Variants in NFIA observed in about 807,000 individuals in gnomAD.
NFIA encodes nuclear factor I A.
NFIA carries 8 observed loss-of-function variants against 62.8 expected under a neutral mutation model. The ratio of observed to expected loss-of-function variants is 0.13; its 90% CI spans 0.07 to 0.23. The LOEUF (loss-of-function observed/expected upper bound fraction) is 0.23. NFIA is among the 10% of genes least tolerant of loss of function. NFIA has a pLI of 1.00. For missense variants in NFIA, 410 were observed against 642.1 expected (o/e 0.64, Z 3.91); for synonymous variants, 235 against 238.1 (o/e 0.99, Z 0.12).
intron 2 of NFIA, among the ~76,000 whole-genome samples, chr1:61,114,342 C>T (rs1260033478): frequency 6.6e-6 from 1 of 151,438 alleles, no homozygotes; most frequent in Non-Finnish European, 1.5e-5. Flanking sequence ...TTTTTTTAGT[C>T]AGCCAGGTGT....
chr1:61,367,202 A>G (rs1416718622), intron 6 of NFIA, among the ~76,000 whole-genome samples: 1 of 152,170 alleles, frequency 6.6e-6, no homozygotes, highest in Non-Finnish European at 1.5e-5. Context: ...TTTGACTGCC[A>G]ACAGTCATTT....
At chr1:61,106,936 A>G (rs973095915) in intron 2 of NFIA, among the ~76,000 whole-genome samples, 4 of 150,932 alleles carry the variant, frequency 2.7e-5, no homozygotes, top group Non-Finnish European at 5.9e-5. Context: ...TCATATATAC[A>G]CACATACATA....
intron 2 of NFIA, among the ~76,000 whole-genome samples, chr1:61,270,912 T>C (rs1453558995): frequency 6.6e-6 from 1 of 152,184 alleles, no homozygotes; most frequent in African/African-American, 2.4e-5. Flanking sequence ...CTAGACATTT[T>C]AGTTTAGTTT....
At chr1:61,382,071 G>C (rs560919183) in intron 6 of NFIA, among the ~76,000 whole-genome samples, 38 of 152,290 alleles carry the variant, frequency 2.5e-4, no homozygotes, top group Admixed American at 7.2e-4. Context: ...AATGGAATTT[G>C]GTTCTTTTAA....
At chr1:61,356,335 A>T (rs1374637985) in intron 5 of NFIA, among the ~76,000 whole-genome samples, 1 of 152,124 alleles carries the variant, frequency 6.6e-6, no homozygotes, top group African/African-American at 2.4e-5. Context: ...TCTAACATGT[A>T]TTCTTTCTGT....
In NFIA at chr1:61,459,952, C is replaced by G. The variant is rs1668466993; in HGVS notation, c.*4632C>G. ...CTCTCTTTTTGTTTGCTTCTGTTTT[C>G]TTTCTTGTCTTCATTCTTTCTTTTC... On this transcript the variant is annotated 3_prime_UTR_variant, in exon 11 of 11. Coordinates refer to ENST00000403491, the MANE Select transcript of NFIA (RefSeq NM_001134673.4). 6.6e-6 allele frequency: 1 copy of G among 151,862 alleles called. No homozygotes were observed. The highest frequency in any genetic ancestry group is 6.6e-5 in the Admixed American group (1 of 15,250). The allele number at this position is 151,862 out of a possible 1,614,324, so 9.4% of individuals were successfully genotyped here.
rs75841642 is a variant in NFIA, at chr1:61,247,548, C to G, written c.560-29972C>G. Among the ~76,000 whole-genome samples the G allele has an allele frequency of 4.3e-3, 647 of 152,198 alleles. 4 individuals carry two copies. Among genetic ancestry groups the G allele is most frequent in the African/African-American group, 0.015 (609 of 41,532 alleles). ...GTTACAGCTCCCCACCTGGCACGGT[C>G]CATTGGGGGTGTGCTGTAATTGCTC... On this transcript the variant is annotated intron_variant, in intron 2 of 10. Transcript: ENST00000403491.
rs146631932 is a variant in NFIA, at chr1:61,387,251, A to G, written c.1075+3886A>G. On this transcript the variant is annotated intron_variant, in intron 7 of 10. Coordinates refer to ENST00000403491, the MANE Select transcript of NFIA (RefSeq NM_001134673.4). Reference sequence around the variant, plus strand: ...ACCAAAGGTTTCTCATCTCTAAGTTAGAGATTATCATCTCTAACTCAAAAG... The same window carrying G: ...ACCAAAGGTTTCTCATCTCTAAGTTGGAGATTATCATCTCTAACTCAAAAG... Among the ~76,000 whole-genome samples the G allele has an allele frequency of 3.9e-5, 6 of 152,168 alleles. No homozygotes were observed. In the East Asian group the frequency reaches 1.2e-3, roughly 29 times the overall value.
Position 61,145,593 on chromosome 1 carries a change from T to G in NFIA, c.559+56913T>G, listed in dbSNP as rs17121680. Among the ~76,000 whole-genome samples the G allele has an allele frequency of 1.8e-3, 281 of 152,310 alleles. 11 individuals are homozygous for G. In the East Asian group the frequency reaches 0.049, roughly 26 times the overall value. ...GCCCTCTTGGTATATACTTAGTTACTTTCTTTTTCACACATGGGCATGTGT... is the reference window on the plus strand; with the variant it reads ...GCCCTCTTGGTATATACTTAGTTACGTTCTTTTTCACACATGGGCATGTGT... On this transcript the variant is annotated intron_variant, in intron 2 of 10. Transcript: ENST00000403491.
At chr1:61,136,807 G>A (rs1159230359) in intron 2 of NFIA, among the ~76,000 whole-genome samples, 4 of 151,728 alleles carry the variant, frequency 2.6e-5, no homozygotes, top group Non-Finnish European at 5.9e-5. Flanking sequence ...TGTTTGGGGG[G>A]GTTTTTTCGG....
chr1:61,269,469 T>C (rs1207148629), intron 2 of NFIA, among the ~76,000 whole-genome samples: 5 of 152,214 alleles, frequency 3.3e-5, no homozygotes, highest in Non-Finnish European at 7.3e-5. Flanking sequence ...GTACAAAAGT[T>C]ATTTATGATA....
chr1:61,375,782 CCTTG>C, intron 6 of NFIA, among the ~76,000 whole-genome samples: 1 of 152,260 alleles, frequency 6.6e-6, no homozygotes, highest in South Asian at 2.1e-4. Context: ...GAAAGCTATC[CCTTG>C]CTTCCCTCCC....
intron 3 of NFIA, among the ~76,000 whole-genome samples, chr1:61,321,748 G>C (rs1352242984): frequency 1.3e-5 from 2 of 151,724 alleles, no homozygotes; most frequent in Non-Finnish European, 1.5e-5. Context: ...TTCATTGTGT[G>C]ATGCCATGGA....
chr1:61,286,699 T>C (rs1658523720), intron 3 of NFIA, among the ~76,000 whole-genome samples: 1 of 152,188 alleles, frequency 6.6e-6, no homozygotes, highest in South Asian at 2.1e-4. Context: ...GACAATCAGC[T>C]GATTAATACA....
chr1:61,158,255 C>T (rs996980524), intron 2 of NFIA, among the ~76,000 whole-genome samples: 2 of 152,024 alleles, frequency 1.3e-5, no homozygotes, highest in African/African-American at 4.8e-5. Context: ...TTAGAAAAAA[C>T]CCTTTTTACT....
At chr1:61,116,632 C>T (rs969902579) in intron 2 of NFIA, among the ~76,000 whole-genome samples, 6 of 151,974 alleles carry the variant, frequency 3.9e-5, no homozygotes, top group South Asian at 2.1e-4. Context: ...AGTGAATTGC[C>T]GTATAGTCAT....
At chr1:61,237,683 A>G (rs1570432030) in intron 2 of NFIA, among the ~76,000 whole-genome samples, 1 of 152,118 alleles carries the variant, frequency 6.6e-6, no homozygotes, top group African/African-American at 2.4e-5. Flanking sequence ...GGATTTCAAG[A>G]TGCACTATTT....
chr1:61,399,585 A>C (rs2100513772), intron 7 of NFIA, among the ~76,000 whole-genome samples: 1 of 152,330 alleles, frequency 6.6e-6, no homozygotes, highest in East Asian at 1.9e-4. Context: ...TTGAGGGAAA[A>C]TGTGTGAGAG....
chr1:61,426,121 A>T (rs1666855170), intron 9 of NFIA, among the ~76,000 whole-genome samples: 1 of 152,296 alleles, frequency 6.6e-6, no homozygotes, highest in African/African-American at 2.4e-5. Flanking sequence ...CCTCTGCTCT[A>T]AAGAATAGGA....
Sources: allele counts gnomAD v4.1 joint callset (sites outside exome capture counted in the v4.1 genomes callset), GRCh38; gene constraint gnomAD v4.1.1; transcripts MANE v1.5; gene names NCBI Gene and HGNC (gene_info 2026-07-23, HGNC 2026-07-21).